ILDR2: variants seen among roughly 807,000 people sequenced by gnomAD.
ILDR2 encodes the protein immunoglobulin like domain containing receptor 2, also known as immunoglobulin-like domain-containing receptor 2.
Under a neutral mutation model 66.8 loss-of-function variants are expected in ILDR2, and 25 were observed. The observed-to-expected ratio is 0.37, with a 90% CI of 0.27 to 0.52. The LOEUF is 0.52. ILDR2 is among the 20% of genes least tolerant of loss of function. ILDR2 has a pLI of 0.88. For missense variants in ILDR2, 827 were observed against 876.8 expected (o/e 0.94, Z 0.72); for synonymous variants, 367 against 357.2 (o/e 1.03, Z -0.31).
At chr1:166,961,567 T>C (rs938575487) in intron 1 of ILDR2, among the ~76,000 whole-genome samples, 2 of 152,254 alleles carry the variant, frequency 1.3e-5, no homozygotes, top group African/African-American at 4.8e-5. Flanking sequence ...TACTCAACTC[T>C]GATGAGTTTC....
chr1:166,963,864 G>A (rs953865727), intron 1 of ILDR2, among the ~76,000 whole-genome samples: 1 of 152,132 alleles, frequency 6.6e-6, no homozygotes, highest in African/African-American at 2.4e-5. Flanking sequence ...TTGCCCACAC[G>A]TAAACAAGCA....
chr1:166,938,935 G>A (rs971481884), intron 4 of ILDR2, among the ~76,000 whole-genome samples: 1 of 152,138 alleles, frequency 6.6e-6, no homozygotes, highest in Admixed American at 6.5e-5. Flanking sequence ...ATGTATGTTC[G>A]TCCCAGATGT....
chr1:166,946,898 A>G (rs1661642630), intron 3 of ILDR2, among the ~76,000 whole-genome samples: 2 of 152,234 alleles, frequency 1.3e-5, no homozygotes, highest in African/African-American at 4.8e-5. Context: ...TGGATGTAGG[A>G]AATGTTGGAG....
Position 166,909,364 on chromosome 1 carries a change from T to G in ILDR2, c.*9991A>C, listed in dbSNP as rs1246481512. The G allele has an allele frequency of 1.3e-5, 2 of 152,148 alleles. No homozygotes were observed. Among genetic ancestry groups the G allele is most frequent in the African/African-American group, 4.8e-5 (2 of 41,430 alleles). 9.4% of individuals were successfully genotyped at this position (152,148 alleles called of 1,614,324 possible). ...CAGGGAATCTTAAATCTTACTACATTGAGACCCAGGTTTGTTCTCAGTTCC... is the reference window on the plus strand; with the variant it reads ...CAGGGAATCTTAAATCTTACTACATGGAGACCCAGGTTTGTTCTCAGTTCC... On this transcript the variant is annotated 3_prime_UTR_variant, in exon 10 of 10. Coordinates refer to ENST00000271417, the MANE Select transcript of ILDR2 (RefSeq NM_199351.3).
In ILDR2 at chr1:166,921,583, G is replaced by A. The variant is rs1247628265; in HGVS notation, c.1212-204C>T. Reference sequence around the variant, plus strand: ...AGGGGCAACCGAGTCTATTCCACTCGTGTGCCACGCATCAAAATGGGGTTG... The same window carrying A: ...AGGGGCAACCGAGTCTATTCCACTCATGTGCCACGCATCAAAATGGGGTTG... On this transcript the variant is annotated intron_variant, in intron 8 of 9. Coordinates refer to ENST00000271417, the MANE Select transcript of ILDR2 (RefSeq NM_199351.3). This position sits in a 1 kb window ranked among gnomAD's most constrained non-coding sequence, Gnocchi z 5.3. Among the ~76,000 whole-genome samples, 3 of 152,196 alleles carry A rather than the reference G, an allele frequency of 2.0e-5. No individual in the cohort carries two copies. The highest frequency in any genetic ancestry group is 1.3e-4 in the Admixed American group (2 of 15,286).
chr1:166,972,081 G>A (rs747200728), intron 1 of ILDR2, among the ~76,000 whole-genome samples: 9 of 151,912 alleles, frequency 5.9e-5, no homozygotes, highest in Admixed American at 1.3e-4. Context: ...GTGTGGTGGC[G>A]CGTGCCTATA....
At chr1:166,953,203 G>A (rs1465041990) in intron 3 of ILDR2, among the ~76,000 whole-genome samples, 2 of 152,046 alleles carry the variant, frequency 1.3e-5, no homozygotes, top group Non-Finnish European at 1.5e-5. Context: ...GACCAAAGTG[G>A]GTCAACAGGA....
intron 5 of ILDR2, 71 bp from the exon 6 acceptor site, chr1:166,935,548 C>A: frequency 7.1e-7 from 1 of 1,401,812 alleles, no homozygotes. Flanking sequence ...CCAAAAATCC[C>A]TGAGGATGCA....
At position 166,912,233 on chromosome 1, in the gene ILDR2, G is replaced by C. The variant is rs1204822709; in HGVS notation, c.*7122C>G. 3 of 152,140 alleles carry C rather than the reference G, an allele frequency of 2.0e-5. No homozygotes were observed. The highest frequency in any genetic ancestry group is 4.4e-5 in the Non-Finnish European group (3 of 68,004). 9.4% of individuals were successfully genotyped at this position (152,140 alleles called of 1,614,324 possible). ...TAATAATAACTTCAATGTCCTGAAA[G>C]AAAATAACTATCAATCTAGAATCAT... On this transcript the variant is annotated 3_prime_UTR_variant, in exon 10 of 10. Transcript: ENST00000271417.
chr1:166,961,323 C>G (rs1286826350), intron 1 of ILDR2, among the ~76,000 whole-genome samples: 1 of 152,162 alleles, frequency 6.6e-6, no homozygotes, highest in East Asian at 1.9e-4. Flanking sequence ...GCTCTGTTCT[C>G]TGTTAATGAG....
intron 2 of ILDR2, among the ~76,000 whole-genome samples, chr1:166,902,988 T>C (rs1023548535): frequency 6.6e-6 from 1 of 152,230 alleles, no homozygotes; most frequent in Non-Finnish European, 1.5e-5. Context: ...TAATCTATCC[T>C]GTATATCCTT....
At chr1:166,932,557 CAG>C (rs1218756264) in intron 6 of ILDR2, among the ~76,000 whole-genome samples, 1 of 152,112 alleles carries the variant, frequency 6.6e-6, no homozygotes, top group Non-Finnish European at 1.5e-5. Flanking sequence ...GTGTTCAACA[CAG>C]AGAGAGCCTT....
chr1:166,902,627 G>A (rs1659282080), intron 2 of ILDR2, among the ~76,000 whole-genome samples: 1 of 152,238 alleles, frequency 6.6e-6, no homozygotes, highest in Admixed American at 6.5e-5. Flanking sequence ...ACCAGCATTA[G>A]AATGAAGCTT....
chr1:166,911,837 AG>A lies in ILDR2; in HGVS notation c.*7517del, dbSNP rs1296833863. The stretch of plus-strand genomic sequence containing the variant: ...TAAACCTGAAGAAATTTACCTGAAT[AG>A]GGAATAGAAAACACAGAGAGAGGAA... On this transcript the variant is annotated 3_prime_UTR_variant, in exon 10 of 10. Transcript: ENST00000271417. 1 of 152,138 alleles carries A rather than the reference AG, an allele frequency of 6.6e-6. No individual in the cohort carries two copies. The highest frequency in any genetic ancestry group is 1.9e-4 in the East Asian group (1 of 5,204). The allele number at this position is 152,138 out of a possible 1,614,324, so 9.4% of individuals were successfully genotyped here.
At chr1:166,931,649 G>A (rs1245811755) in intron 6 of ILDR2, among the ~76,000 whole-genome samples, 1 of 152,156 alleles carries the variant, frequency 6.6e-6, no homozygotes, top group East Asian at 1.9e-4. Flanking sequence ...GGTAATGGCA[G>A]CAAGGACTAG....
chr1:166,947,216 G>A (rs915950209), intron 3 of ILDR2, among the ~76,000 whole-genome samples: 1 of 152,178 alleles, frequency 6.6e-6, no homozygotes, highest in Non-Finnish European at 1.5e-5. Flanking sequence ...GTCATGGAAC[G>A]GGGAAAGTGA....
chr1:166,968,992 AG>A (rs1663123194), intron 1 of ILDR2, among the ~76,000 whole-genome samples: 2 of 152,218 alleles, frequency 1.3e-5, no homozygotes, highest in Admixed American at 6.5e-5. Context: ...AAATACATCT[AG>A]TTTGGGTTCA....
intron 1 of ILDR2, among the ~76,000 whole-genome samples, chr1:166,967,586 G>A (rs1366353723): frequency 6.6e-6 from 1 of 152,116 alleles, no homozygotes; most frequent in Non-Finnish European, 1.5e-5. Context: ...GCGAAACCCT[G>A]TCTCTACTAA....
At chr1:166,970,037 G>C (rs1663189943) in intron 1 of ILDR2, among the ~76,000 whole-genome samples, 1 of 152,184 alleles carries the variant, frequency 6.6e-6, no homozygotes, top group African/African-American at 2.4e-5. Flanking sequence ...AACATCGGGA[G>C]AAAGAAGGCA....
Sources: allele counts gnomAD v4.1 joint callset (sites outside exome capture counted in the v4.1 genomes callset), GRCh38; gene constraint gnomAD v4.1.1; non-coding constraint Gnocchi (gnomAD v3.1); transcripts MANE v1.5; gene names NCBI Gene and HGNC (gene_info 2026-07-23, HGNC 2026-07-21).